KCNQ1: variants seen among roughly 807,000 people sequenced by gnomAD.
The protein encoded by KCNQ1 is potassium voltage-gated channel subfamily KQT member 1.
A neutral mutation model predicts 72.4 loss-of-function variants in KCNQ1; 49 were observed. That is an observed-to-expected ratio of 0.68 (90% confidence interval 0.54 to 0.86). The LOEUF (loss-of-function observed/expected upper bound fraction) is 0.86, where lower values mean the gene tolerates loss of function less well. KCNQ1 is among the 40% of genes least tolerant of loss of function. The pLI, the probability that KCNQ1 is intolerant of heterozygous loss-of-function variation, is 0.00. For synonymous variants in KCNQ1, 450 were observed against 412.6 expected (o/e 1.09, Z -1.10); for missense variants, 790 against 945.1 (o/e 0.84, Z 2.15).
chr11:2,779,034 C>T lies in KCNQ1; in HGVS notation c.1794+997C>T, dbSNP rs150451507. On this transcript the variant is annotated intron_variant, in intron 15 of 15. Transcript: ENST00000155840. Reference sequence around the variant, plus strand: ...AGCAAATTGGGTCATGCAGAAAGAGCGAAGGCTGGTGTTCAGGTGCCTGGC... The same window carrying T: ...AGCAAATTGGGTCATGCAGAAAGAGTGAAGGCTGGTGTTCAGGTGCCTGGC... Among the ~76,000 whole-genome samples the T allele has an allele frequency of 4.5e-3, 688 of 152,356 alleles. 6 individuals carry two copies. The highest frequency in any genetic ancestry group is 0.016 in the African/African-American group (652 of 41,596).
intron 10 of KCNQ1, chr11:2,610,470 T>A (rs1387541898): frequency 1.3e-5 from 5 of 398,320 alleles, no homozygotes; most frequent in Non-Finnish European, 2.2e-5. Context: ...TTTTATGGAT[T>A]TGAGTTACCA....
intron 15 of KCNQ1, among the ~76,000 whole-genome samples, chr11:2,821,107 G>T (rs2134054236): frequency 6.6e-6 from 1 of 152,330 alleles, no homozygotes; most frequent in African/African-American, 2.4e-5. Flanking sequence ...TGCCTTGGTG[G>T]GAAGCTTTCG....
rs115818294 is a variant in KCNQ1, at chr11:2,606,847, G to C, written c.1393+17993G>C. On this transcript the variant is annotated intron_variant, in intron 10 of 15. Transcript: ENST00000155840. ...TCTTTGTCTCATTCCTGATCTTAACGGGGAAACATTCAGTCATTCACTGTT... is the reference window on the plus strand; with the variant it reads ...TCTTTGTCTCATTCCTGATCTTAACCGGGAAACATTCAGTCATTCACTGTT... Among the ~76,000 whole-genome samples, 447 of 151,486 alleles carry C rather than the reference G, an allele frequency of 3.0e-3. 5 individuals are homozygous for C. The highest frequency in any genetic ancestry group is 0.011 in the African/African-American group (433 of 41,200).
chr11:2,767,270 C>CCT lies in KCNQ1; in HGVS notation c.1515-1567_1515-1566dup, dbSNP rs1263091749. Among the ~76,000 whole-genome samples the CCT allele has an allele frequency of 6.6e-6, 1 of 152,050 alleles. No individual in the cohort carries two copies. The highest frequency in any genetic ancestry group is 1.5e-5 in the Non-Finnish European group (1 of 68,008). On this transcript the variant is annotated intron_variant, in intron 11 of 15. Coordinates refer to ENST00000155840, the MANE Select transcript of KCNQ1 (RefSeq NM_000218.3). This position sits in a 1 kb window ranked among gnomAD's most constrained non-coding sequence, Gnocchi z 4.6. Reference sequence around the variant, plus strand: ...TGTTGGTGCTGGCTGTTAGCTGAGGCCTCTCTCTTCTCCATGTGGCCTCTC... The same window carrying CCT: ...TGTTGGTGCTGGCTGTTAGCTGAGGCCTCTCTCTCTTCTCCATGTGGCCTCTC...
intron 14 of KCNQ1, 181 bp from the exon 15 acceptor site, chr11:2,777,795 G>C: frequency 1.6e-6 from 1 of 643,266 alleles, no homozygotes; most frequent in Non-Finnish European, 2.8e-6. Flanking sequence ...AGCCATGCCC[G>C]GCCACCGTAC....
intron 12 of KCNQ1, among the ~76,000 whole-genome samples, chr11:2,774,299 A>G (rs1204962604): frequency 6.6e-6 from 1 of 152,200 alleles, no homozygotes; most frequent in Non-Finnish European, 1.5e-5. Flanking sequence ...GCCTGCCTCT[A>G]TCACAGTTCT....
At position 2,461,424 on chromosome 11, in the gene KCNQ1, C is replaced by CG. The variant is rs778784558; in HGVS notation, c.386+15945dup. 27 of 1,279,630 alleles carry CG rather than the reference C, an allele frequency of 2.1e-5. No individual in the cohort carries two copies. The South Asian group carries it at 2.2e-4, about 11-fold the overall frequency. 79.3% of individuals were successfully genotyped at this position (1,279,630 alleles called of 1,614,324 possible). A position where few individuals can be genotyped will look rare whatever the true frequency, so the allele number is the denominator to read the frequency against. The stretch of plus-strand genomic sequence containing the variant: ...TGCTGACTGGGTGAGCCGGCCGGGG[C>CG]GGGGGTGGCCCCTCTTCCCTTCCTC... On this transcript the variant is annotated intron_variant, in intron 1 of 15. Coordinates refer to ENST00000155840, the MANE Select transcript of KCNQ1 (RefSeq NM_000218.3).
Position 2,658,097 on chromosome 11 carries a change from T to G in KCNQ1, c.1394-3864T>G, listed in dbSNP as rs1348287059. 4 of 398,600 alleles carry G rather than the reference T, an allele frequency of 1.0e-5. No individual in the cohort carries two copies. Among genetic ancestry groups the G allele is most frequent in the Non-Finnish European group, 1.3e-5 (3 of 226,044 alleles). 24.7% of individuals were successfully genotyped at this position (398,600 alleles called of 1,614,324 possible). ...AAGGGAGGGGTTCAACTCTACCTCC[T>G]GCAGGAGAGTATCAAAAAAAATCTG... is the stretch of plus-strand genomic sequence containing the variant. On this transcript the variant is annotated intron_variant, in intron 10 of 15. Transcript: ENST00000155840. This position sits in a 1 kb window ranked among gnomAD's most constrained non-coding sequence, Gnocchi z 4.9.
At chr11:2,835,397 T>TCACACA (rs36227626) in intron 15 of KCNQ1, among the ~76,000 whole-genome samples, 28 of 130,478 alleles carry the variant, frequency 2.1e-4, no homozygotes, top group African/African-American at 6.1e-4. Context: ...AAACCCTGAC[T>TCACACA]CACACACACA....
chr11:2,501,753 CA>C (rs1240075166), intron 1 of KCNQ1, among the ~76,000 whole-genome samples: 2 of 134,794 alleles, frequency 1.5e-5, no homozygotes, highest in Non-Finnish European at 3.2e-5. Context: ...AAAAAGGAAC[CA>C]CGGGCCAATA....
chr11:2,476,370 G>A (rs1035900505), intron 1 of KCNQ1, among the ~76,000 whole-genome samples: 2 of 152,190 alleles, frequency 1.3e-5, no homozygotes, highest in African/African-American at 4.8e-5. Context: ...ATATTACTGT[G>A]TAATAGATCT....
At chr11:2,675,431 TTAAAA>T (rs1434725539) in intron 11 of KCNQ1, 7 of 398,470 alleles carry the variant, frequency 1.8e-5, no homozygotes, top group Middle Eastern at 1.2e-3. Context: ...TCATTTTGCG[TTAAAA>T]TAAAAGATGA....
chr11:2,607,104 C>T (rs990632526), intron 10 of KCNQ1, among the ~76,000 whole-genome samples: 3 of 151,780 alleles, frequency 2.0e-5, no homozygotes, highest in Non-Finnish European at 4.4e-5. Context: ...GGGGTTTCAC[C>T]ATATTAGCCA....
chr11:2,764,847 A>G lies in KCNQ1; in HGVS notation c.1515-3997A>G, dbSNP rs1846468681. ...ACCTCTAGGTCTATAGTGACATTCC[A>G]TCTTTAACTCCTGATGGCGGTCATT... On this transcript the variant is annotated intron_variant, in intron 11 of 15. Transcript: ENST00000155840. This position sits in a 1 kb window ranked among gnomAD's most constrained non-coding sequence, Gnocchi z 4.8. Among the ~76,000 whole-genome samples the G allele has an allele frequency of 1.3e-5, 2 of 152,200 alleles. No homozygotes were observed. The highest frequency in any genetic ancestry group is 6.5e-5 in the Admixed American group (1 of 15,286).
intron 15 of KCNQ1, among the ~76,000 whole-genome samples, chr11:2,825,129 G>A (rs142944624): frequency 6.6e-6 from 1 of 152,350 alleles, no homozygotes; most frequent in Non-Finnish European, 1.5e-5. Context: ...ACAGGGTCAC[G>A]GTGGAAAGAG....
Position 2,764,433 on chromosome 11 carries a change from A to G in KCNQ1, c.1515-4411A>G, listed in dbSNP as rs1590074449. On this transcript the variant is annotated intron_variant, in intron 11 of 15. Transcript: ENST00000155840. The surrounding 1 kb of genome is among the most constrained non-coding windows in gnomAD (Gnocchi z 4.8). ...AGCATGTGTTTGGGCACAGTGCTAC[A>G]TGCAGCTTGCTGGTGGTGGTTAGGA... Among the ~76,000 whole-genome samples the G allele has an allele frequency of 6.6e-6, 1 of 152,294 alleles. No homozygotes were observed. The highest frequency in any genetic ancestry group is 1.5e-5 in the Non-Finnish European group (1 of 68,022).
intron 15 of KCNQ1, among the ~76,000 whole-genome samples, chr11:2,841,823 T>A (rs1848219569): frequency 6.6e-6 from 1 of 152,180 alleles, no homozygotes; most frequent in Admixed American, 6.5e-5. Flanking sequence ...GGGCAGAGGC[T>A]GGTAAAAGTG....
rs1269741835 is a variant in KCNQ1 at position 2,712,328 on chromosome 11, C to G, written c.1514+50247C>G. Reference sequence around the variant, plus strand: ...GGGAAGCAGACTCTAGCTGGGCAGCCTGGCCTCAGGAGATCATCACAACCC... The same window carrying G: ...GGGAAGCAGACTCTAGCTGGGCAGCGTGGCCTCAGGAGATCATCACAACCC... On this transcript the variant is annotated intron_variant, in intron 11 of 15. Coordinates refer to ENST00000155840, the MANE Select transcript of KCNQ1 (RefSeq NM_000218.3). The surrounding 1 kb of genome is among the most constrained non-coding windows in gnomAD (Gnocchi z 6.4). Among the ~76,000 whole-genome samples, 1 of 152,144 alleles carries G rather than the reference C, an allele frequency of 6.6e-6. No homozygotes were observed. The highest frequency in any genetic ancestry group is 1.5e-5 in the Non-Finnish European group (1 of 68,018).
chr11:2,707,514 C>T (rs988165153), intron 11 of KCNQ1, among the ~76,000 whole-genome samples: 15 of 152,080 alleles, frequency 9.9e-5, no homozygotes, highest in African/African-American at 2.2e-4. Flanking sequence ...TGTTCTGGGC[C>T]GTCAGTTCAT....
Sources: allele counts gnomAD v4.1 joint callset (sites outside exome capture counted in the v4.1 genomes callset), GRCh38; gene constraint gnomAD v4.1.1; non-coding constraint Gnocchi (gnomAD v3.1); transcripts MANE v1.5; gene names NCBI Gene and HGNC (gene_info 2026-07-23, HGNC 2026-07-21).